Variants in LRP1B observed in about 807,000 individuals in gnomAD.
The protein encoded by LRP1B is low-density lipoprotein receptor-related protein 1B.
In LRP1B, 217 loss-of-function variants were observed where a neutral mutation model predicts 556.6. The ratio of observed to expected loss-of-function variants is 0.39; its 90% CI spans 0.35 to 0.44. The LOEUF (loss-of-function observed/expected upper bound fraction) is 0.44. Ranked by LOEUF, LRP1B falls within the 20% of genes least tolerant of loss-of-function variation. The pLI, the probability that LRP1B is intolerant of heterozygous loss-of-function variation, is 1.00. For synonymous variants in LRP1B, 2,047 were observed against 1,865.8 expected (o/e 1.10, Z -2.50); for missense variants, 5,053 against 5,620.8 (o/e 0.90, Z 3.23).
chr2:142,030,926 G>A (rs189604971), intron 1 of LRP1B, among the ~76,000 whole-genome samples: 9 of 151,894 alleles, frequency 5.9e-5, no homozygotes, highest in East Asian at 1.9e-4. Flanking sequence ...CCTCAGTCCC[G>A]TTGCAACCTA....
intron 1 of LRP1B, among the ~76,000 whole-genome samples, chr2:141,907,400 G>C: frequency 6.6e-6 from 1 of 151,750 alleles, no homozygotes; most frequent in East Asian, 1.9e-4. Flanking sequence ...ATTTTTAAAA[G>C]TCAGTACAGT....
chr2:140,389,487 TTA>T (rs1438717649), intron 66 of LRP1B, among the ~76,000 whole-genome samples: 3 of 151,106 alleles, frequency 2.0e-5, no homozygotes, highest in African/African-American at 7.3e-5. Flanking sequence ...AATTATATTT[TTA>T]TATGTTAGCA....
intron 59 of LRP1B, among the ~76,000 whole-genome samples, chr2:140,483,497 G>T (rs1021272924): frequency 1.1e-4 from 16 of 149,920 alleles, no homozygotes; most frequent in African/African-American, 2.9e-4. Flanking sequence ...ATATTGAATA[G>T]CATGAAATGA....
chr2:141,208,417 T>C (rs1201495560), intron 6 of LRP1B: 1 of 152,236 alleles, frequency 6.6e-6, no homozygotes. Context: ...AAGACCTGCA[T>C]GGACTGCAGC....
chr2:140,776,045 A>C (rs932924857), intron 33 of LRP1B, 53 bp downstream of exon 33: 1 of 1,391,596 alleles, frequency 7.2e-7, no homozygotes, highest in Non-Finnish European at 9.7e-7. Context: ...CTAATATAAA[A>C]AAGAGCACAT....
intron 7 of LRP1B, among the ~76,000 whole-genome samples, chr2:141,171,768 C>T (rs1461818796): frequency 6.6e-6 from 1 of 152,050 alleles, no homozygotes; most frequent in Non-Finnish European, 1.5e-5. Context: ...AATTGCACCT[C>T]TCCAAGCCTC....
intron 49 of LRP1B, among the ~76,000 whole-genome samples, chr2:140,524,679 G>T (rs1690346367): frequency 6.6e-6 from 1 of 151,840 alleles, no homozygotes; most frequent in African/African-American, 2.4e-5. Flanking sequence ...ATTATCCTAA[G>T]TAAATCAATG....
chr2:140,569,808 C>T lies in LRP1B; in HGVS notation c.7195-27837G>A, dbSNP rs143712099. Among the ~76,000 whole-genome samples, 850 of 151,864 alleles carry T rather than the reference C, an allele frequency of 5.6e-3. 4 individuals are homozygous for T. Among genetic ancestry groups the T allele is most frequent in the Middle Eastern group, 0.01 (3 of 294 alleles). On this transcript the variant is annotated intron_variant, in intron 43 of 90. Transcript: ENST00000389484. ...ATATTTTAGGCCACAAAACAAATTT[C>T]ATCAAATTTTTTAAAAATGGAAGTC... is the stretch of plus-strand genomic sequence containing the variant.
chr2:141,319,607 G>T (rs113801299), intron 3 of LRP1B, among the ~76,000 whole-genome samples: 91 of 152,112 alleles, frequency 6.0e-4, no homozygotes, highest in African/African-American at 2.1e-3. Flanking sequence ...CCTTGAATAA[G>T]AAAGCATATT....
chr2:141,790,882 C>T (rs1695588705), intron 2 of LRP1B, among the ~76,000 whole-genome samples: 1 of 151,622 alleles, frequency 6.6e-6, no homozygotes, highest in Non-Finnish European at 1.5e-5. Context: ...TATAGAAATA[C>T]AATTCTAGAA....
chr2:141,331,705 G>A (rs1411877319), intron 3 of LRP1B, among the ~76,000 whole-genome samples: 1 of 152,062 alleles, frequency 6.6e-6, no homozygotes, highest in Non-Finnish European at 1.5e-5. Context: ...AGGATAGGGA[G>A]CATTCTTTGT....
At chr2:141,428,790 TTTGA>T (rs1312556445) in intron 3 of LRP1B, among the ~76,000 whole-genome samples, 2 of 152,208 alleles carry the variant, frequency 1.3e-5, no homozygotes, top group African/African-American at 4.8e-5. Context: ...TCTCAATTCC[TTTGA>T]TTATTAGAAA....
intron 3 of LRP1B, among the ~76,000 whole-genome samples, chr2:141,365,217 TTTTGTTTG>T (rs57017548): frequency 0.061 from 9,342 of 152,018 alleles, 396 homozygotes; most frequent in African/African-American, 0.11. Context: ...GATGCATCTT[TTTTGTTTG>T]TTTGTTTGTT....
chr2:140,855,542 C>T lies in LRP1B; in HGVS notation c.4580-3759G>A, dbSNP rs374072. On this transcript the variant is annotated intron_variant, in intron 27 of 90. Transcript: ENST00000389484. ...TCCCACAGTCTACCTCACAAAGTGTCGGCTTTATCTCCTACTATTAATGTT... is the reference window on the plus strand; with the variant it reads ...TCCCACAGTCTACCTCACAAAGTGTTGGCTTTATCTCCTACTATTAATGTT... 4.0e-5 allele frequency among the ~76,000 whole-genome samples: 6 copies of T among 149,112 alleles called. No homozygotes were observed. In the South Asian group the frequency reaches 6.4e-4, roughly 16 times the overall value.
chr2:140,892,690 A>T (rs1056332765), intron 23 of LRP1B, among the ~76,000 whole-genome samples: 3 of 152,126 alleles, frequency 2.0e-5, no homozygotes, highest in Admixed American at 6.6e-5. Flanking sequence ...TTTTATCCAC[A>T]TCTATAAGAA....
chr2:141,071,679 C>T (rs1699647830), intron 7 of LRP1B, among the ~76,000 whole-genome samples: 2 of 152,096 alleles, frequency 1.3e-5, no homozygotes, highest in South Asian at 4.1e-4. Flanking sequence ...AATCAATGTA[C>T]AAAAAGCACA....
intron 45 of LRP1B, among the ~76,000 whole-genome samples, chr2:140,537,468 G>A (rs1679962970): frequency 6.6e-6 from 1 of 151,898 alleles, no homozygotes; most frequent in African/African-American, 2.4e-5. Context: ...AACCTCAGTA[G>A]CAAGTTATAT....
In LRP1B at chr2:140,776,091, G is replaced by A; in HGVS notation, c.5500+7C>T. The A allele has an allele frequency of 6.4e-7, 1 of 1,552,914 alleles. No individual in the cohort carries two copies. Among genetic ancestry groups the A allele is most frequent in the South Asian group, 1.2e-5 (1 of 83,294 alleles). ...AGACCTGGCACAAATTCATTAGTGT[G>A]ATTTACCTTGCTGTGCTTCTTTATC... is the stretch of plus-strand genomic sequence containing the variant. On this transcript the variant is annotated splice_region_variant and intron_variant, in intron 33 of 90. Coordinates refer to ENST00000389484, the MANE Select transcript of LRP1B (RefSeq NM_018557.3).
intron 3 of LRP1B, among the ~76,000 whole-genome samples, chr2:141,461,285 T>C (rs938183261): frequency 1.3e-5 from 2 of 152,090 alleles, no homozygotes; most frequent in African/African-American, 2.4e-5. Context: ...TCAAAAACTA[T>C]TGATAGAAAA....
Sources: allele counts gnomAD v4.1 joint callset (sites outside exome capture counted in the v4.1 genomes callset), GRCh38; gene constraint gnomAD v4.1.1; transcripts MANE v1.5; gene names NCBI Gene and HGNC (gene_info 2026-07-23, HGNC 2026-07-21).